The following ATP8B4 variants were observed in gnomAD, a reference collection of about 807,000 sequenced individuals.
The protein encoded by ATP8B4 is probable phospholipid-transporting ATPase IM.
In ATP8B4, 133 loss-of-function variants were observed where a neutral mutation model predicts 145.6. That is an observed-to-expected ratio of 0.91 (90% CI 0.79 to 1.05). ATP8B4 has a LOEUF of 1.05. Among genes scored for constraint, ATP8B4 ranks in the 50% least tolerant of loss-of-function variants. ATP8B4 has a pLI of 0.00. For missense variants in ATP8B4, 1,458 were observed against 1,425.2 expected (o/e 1.02, Z -0.37); for synonymous variants, 507 against 492.9 (o/e 1.03, Z -0.38).
chr15:49,954,533 A>T (rs769298557), intron 14 of ATP8B4, among the ~76,000 whole-genome samples: 7 of 152,208 alleles, frequency 4.6e-5, no homozygotes, highest in Non-Finnish European at 8.8e-5. Context: ...ATGAACAGAC[A>T]CTTCTCAAAA....
At chr15:50,052,075 AG>A (rs1034623132) in intron 3 of ATP8B4, among the ~76,000 whole-genome samples, 1 of 152,256 alleles carries the variant, frequency 6.6e-6, no homozygotes, top group African/African-American at 2.4e-5. Context: ...TTCAACCAAA[AG>A]CAAAACACAT....
chr15:49,982,032 A>G (rs1038751966), intron 10 of ATP8B4, among the ~76,000 whole-genome samples: 2 of 152,190 alleles, frequency 1.3e-5, no homozygotes, highest in Non-Finnish European at 2.9e-5. Context: ...GACAGAGAAA[A>G]TGCTAAATAG....
chr15:50,135,144 C>T (rs990444436), intron 1 of ATP8B4, among the ~76,000 whole-genome samples: 2 of 152,176 alleles, frequency 1.3e-5, no homozygotes, highest in Admixed American at 1.3e-4. Context: ...GTCCTTTAGT[C>T]CTTAGCTGGT....
rs375895466 is a variant in ATP8B4, at chr15:49,891,514, C to T, written c.2697+5778G>A. 4.6e-5 allele frequency among the ~76,000 whole-genome samples: 7 copies of T among 152,006 alleles called. No homozygotes were observed. In the South Asian group the frequency reaches 6.2e-4, roughly 14 times the overall value. ...CTATTTTTTGTATTTTTAGTAGAGA[C>T]GAAGTTTTACTACGTTGGCCAGGCT... is the stretch of plus-strand genomic sequence containing the variant. On this transcript the variant is annotated intron_variant, in intron 23 of 27. Transcript: ENST00000284509.
intron 2 of ATP8B4, among the ~76,000 whole-genome samples, chr15:50,102,928 G>A (rs1328420634): frequency 6.6e-6 from 1 of 152,064 alleles, no homozygotes; most frequent in Admixed American, 6.6e-5. Flanking sequence ...GGGATGCAGG[G>A]ATGGTTTAAC....
chr15:50,105,826 C>T (rs2056649962), intron 2 of ATP8B4, among the ~76,000 whole-genome samples: 1 of 152,144 alleles, frequency 6.6e-6, no homozygotes, highest in Non-Finnish European at 1.5e-5. Flanking sequence ...CAGAACACAT[C>T]AAAAGTTTGC....
At position 50,003,154 on chromosome 15, in the gene ATP8B4, C is replaced by T. The variant is rs574710118; in HGVS notation, c.436-931G>A. Among the ~76,000 whole-genome samples, 3 of 151,968 alleles carry T rather than the reference C, an allele frequency of 2.0e-5. No individual in the cohort carries two copies. The South Asian group carries it at 6.3e-4, about 32-fold the overall frequency. Reference sequence around the variant, plus strand: ...TTCCAAATCTGTGATATTTTCTTACCTTTATTTTTAAAAACATTAGAATTG... The same window carrying T: ...TTCCAAATCTGTGATATTTTCTTACTTTTATTTTTAAAAACATTAGAATTG... On this transcript the variant is annotated intron_variant, in intron 7 of 27. Transcript: ENST00000284509.
chr15:50,062,425 C>T (rs926972691), intron 3 of ATP8B4, among the ~76,000 whole-genome samples: 1 of 152,270 alleles, frequency 6.6e-6, no homozygotes, highest in South Asian at 2.1e-4. Context: ...TGCTGCTATG[C>T]TTCCTGTACA....
In ATP8B4 at chr15:50,022,608, C is replaced by T. The variant is rs2049667232; in HGVS notation, c.363-11691G>A. ...GGCTTATCACTTTTTCCAATTCAAG[C>T]CAATAGGATTAGAGTGTAAGCAGGA... On this transcript the variant is annotated intron_variant, in intron 6 of 27. Coordinates refer to ENST00000284509, the MANE Select transcript of ATP8B4 (RefSeq NM_024837.4). Among the ~76,000 whole-genome samples, 5 of 152,308 alleles carry T rather than the reference C, an allele frequency of 3.3e-5. No homozygotes were observed. The South Asian group carries it at 1.0e-3, about 32-fold the overall frequency.
intron 6 of ATP8B4, among the ~76,000 whole-genome samples, chr15:50,023,944 G>A (rs1031153353): frequency 1.3e-5 from 2 of 152,006 alleles, no homozygotes; most frequent in Non-Finnish European, 2.9e-5. Context: ...ATCTGATGGG[G>A]TGCAAATTAA....
chr15:49,937,568 A>T (rs780944537), intron 14 of ATP8B4, among the ~76,000 whole-genome samples: 10 of 152,160 alleles, frequency 6.6e-5, no homozygotes, highest in Non-Finnish European at 1.2e-4. Flanking sequence ...CGTACCAAGC[A>T]CTTTTCTAGG....
chr15:49,926,408 T>G (rs1323591456), intron 16 of ATP8B4, among the ~76,000 whole-genome samples: 2 of 152,154 alleles, frequency 1.3e-5, no homozygotes, highest in African/African-American at 4.8e-5. Flanking sequence ...ACTTCTCTCT[T>G]GCCTAGAAAA....
chr15:50,176,080 C>A (rs1595671973), intron 1 of ATP8B4, among the ~76,000 whole-genome samples: 1 of 148,190 alleles, frequency 6.7e-6, no homozygotes. Context: ...TATATATATA[C>A]CACAGAGTAT....
Position 49,987,523 on chromosome 15 carries a change from TG to T in ATP8B4, c.615del (p.Asn205LysfsTer4). ...ATTCCCATGAATTTATCTAACTTGT[TG>T]TTAGGCACCTCACAGACAACAATCC... ...FDGIVVCEVP[N>X]NKLDKFMGIL... On this transcript the variant is annotated frameshift_variant, in exon 10 of 28. Coordinates refer to ENST00000284509, the MANE Select transcript of ATP8B4 (RefSeq NM_024837.4). LOFTEE classifies it high-confidence loss of function. The T allele has an allele frequency of 6.2e-7, 1 of 1,613,678 alleles. No homozygotes were observed. Among genetic ancestry groups the T allele is most frequent in the Non-Finnish European group, 8.5e-7 (1 of 1,179,742 alleles).
At chr15:50,107,074 T>C in intron 1 of ATP8B4, 66 bp from the exon 2 acceptor site, 1 of 1,081,030 alleles carries the variant, frequency 9.3e-7, no homozygotes, top group Non-Finnish European at 1.3e-6. Context: ...TTACCTCCTT[T>C]AACTTTCTTC....
At chr15:50,141,448 G>C (rs1226040045) in intron 1 of ATP8B4, among the ~76,000 whole-genome samples, 1 of 152,054 alleles carries the variant, frequency 6.6e-6, no homozygotes, top group Non-Finnish European at 1.5e-5. Context: ...GACCTCACAG[G>C]CAATCAGGGC....
chr15:49,921,192 G>A (rs1046255365), intron 17 of ATP8B4, among the ~76,000 whole-genome samples: 6 of 152,160 alleles, frequency 3.9e-5, no homozygotes, highest in Non-Finnish European at 7.4e-5. Context: ...AGACTCCTCC[G>A]TGAAACTTTT....
chr15:50,138,478 CAGAT>C (rs763884139), intron 1 of ATP8B4, among the ~76,000 whole-genome samples: 1 of 151,640 alleles, frequency 6.6e-6, no homozygotes, highest in Non-Finnish European at 1.5e-5. Context: ...GATAGACAGA[CAGAT>C]AGATAGATAC....
chr15:50,101,889 T>C (rs552149645), intron 2 of ATP8B4, among the ~76,000 whole-genome samples: 1 of 152,168 alleles, frequency 6.6e-6, no homozygotes, highest in East Asian at 1.9e-4. Flanking sequence ...TTATAGCAAG[T>C]ACTCTCTTAA....
Sources: allele counts gnomAD v4.1 joint callset (sites outside exome capture counted in the v4.1 genomes callset), GRCh38; gene constraint gnomAD v4.1.1; transcripts MANE v1.5; gene names NCBI Gene and HGNC (gene_info 2026-07-23, HGNC 2026-07-21).